CAMK2G: variants seen among roughly 807,000 people sequenced by gnomAD.
The protein encoded by CAMK2G is calcium/calmodulin-dependent protein kinase type II subunit gamma.
Under a neutral mutation model 88.7 loss-of-function variants are expected in CAMK2G, and 23 were observed. The observed-to-expected ratio is 0.26, with a 90% CI of 0.19 to 0.37. The LOEUF (loss-of-function observed/expected upper bound fraction) is 0.37, where lower values mean the gene tolerates loss of function less well. Ranked by LOEUF, CAMK2G falls within the 10% of genes least tolerant of loss-of-function variation. The pLI is 1.00. For synonymous variants in CAMK2G, 263 were observed against 294.8 expected, an observed-to-expected ratio of 0.89 and a Z score of 1.11; for missense variants, 476 against 780.8, an observed-to-expected ratio of 0.61 and a Z score of 4.65.
chr10:73,870,455 A>G (rs1450986974), intron 2 of CAMK2G, among the ~76,000 whole-genome samples: 1 of 152,234 alleles, frequency 6.6e-6, no homozygotes, highest in African/African-American at 2.4e-5. Flanking sequence ...ACAAGACACA[A>G]CAGCCCAAAA....
intron 15 of CAMK2G, among the ~76,000 whole-genome samples, chr10:73,827,551 G>A (rs763594342): frequency 2.6e-5 from 4 of 152,274 alleles, no homozygotes; most frequent in South Asian, 2.1e-4. Flanking sequence ...CCAGTGTCCC[G>A]TGAGAAAGAT....
intron 19 of CAMK2G, 168 bp from the exon 20 acceptor site, chr10:73,817,722 T>A (rs1475412685): frequency 3.2e-6 from 2 of 619,120 alleles, no homozygotes; most frequent in Non-Finnish European, 5.8e-6. Context: ...CCCTCCCGTC[T>A]CCCTCTCTGC....
rs751571445 is a variant in CAMK2G at position 73,817,127 on chromosome 10, G to GAA, written c.1440-12_1440-11dup. 4.2e-6 allele frequency: 6 copies of GAA among 1,412,714 alleles called. No individual in the cohort carries two copies. Among genetic ancestry groups the GAA allele is most frequent in the Admixed American group, 2.2e-5 (1 of 46,356 alleles). 87.5% of individuals were successfully genotyped at this position (1,412,714 alleles called of 1,614,324 possible). ...TGGATCACAAATCTTCCTACAGGGA[G>GAA]AAAAAAAAAAGCAGCCTATCAGGCT... On this transcript the variant is annotated splice_polypyrimidine_tract_variant and intron_variant, in intron 20 of 22. Transcript: ENST00000423381.
At chr10:73,864,803 C>T (rs1421893392) in intron 2 of CAMK2G, among the ~76,000 whole-genome samples, 4 of 151,996 alleles carry the variant, frequency 2.6e-5, no homozygotes, top group South Asian at 2.1e-4. Flanking sequence ...TCACCATGCC[C>T]GGCTAATTTT....
At chr10:73,866,250 G>A (rs2095587477) in intron 2 of CAMK2G, among the ~76,000 whole-genome samples, 1 of 152,206 alleles carries the variant, frequency 6.6e-6, no homozygotes, top group South Asian at 2.1e-4. Flanking sequence ...TGCACCAGGG[G>A]AGGCAGAAAA....
rs1280710340 is a variant in CAMK2G, at chr10:73,848,865, A to G, written c.517+148T>C. ...AGAAAGCAGTGCTGACAACAGCTAG[A>G]CTTACTGTACTGAGTCGCGTACGGC... On this transcript the variant is annotated intron_variant, in intron 7 of 22. Transcript: ENST00000423381. The surrounding 1 kb of genome is among the most constrained non-coding windows in gnomAD (Gnocchi z 4.5). The G allele has an allele frequency of 1.4e-5, 10 of 702,434 alleles. No homozygotes were observed. The highest frequency in any genetic ancestry group is 2.6e-5 in the Non-Finnish European group (10 of 385,168). The allele number at this position is 702,434 out of a possible 1,614,324, so 43.5% of individuals were successfully genotyped here.
Position 73,874,476 on chromosome 10 carries a change from G to T in CAMK2G, c.-15C>A. On this transcript the variant is annotated 5_prime_UTR_variant, in exon 1 of 23. Coordinates refer to ENST00000423381, the MANE Select transcript of CAMK2G (RefSeq NM_001367534.1). Reference sequence around the variant, plus strand: ...GTGGTGGCCATGCTGGCGGGCGGGCGGACGCGGCGGTGCAGCCCGCGCCGA... The same window carrying T: ...GTGGTGGCCATGCTGGCGGGCGGGCTGACGCGGCGGTGCAGCCCGCGCCGA... The T allele has an allele frequency of 6.7e-7, 1 of 1,485,680 alleles. No homozygotes were observed. Among genetic ancestry groups the T allele is most frequent in the Non-Finnish European group, 9.0e-7 (1 of 1,107,026 alleles). 92.0% of individuals were successfully genotyped at this position (1,485,680 alleles called of 1,614,324 possible).
chr10:73,816,019 T>C (rs1262353628), intron 21 of CAMK2G: 2 of 985,184 alleles, frequency 2.0e-6, no homozygotes, highest in Non-Finnish European at 2.4e-6. Context: ...AGTTTATATA[T>C]GTAGCTGAGA....
At position 73,849,365 on chromosome 10, in the gene CAMK2G, G is replaced by A. The variant is rs372541451; in HGVS notation, c.342-32C>T. On this transcript the variant is annotated intron_variant, in intron 5 of 22. Coordinates refer to ENST00000423381, the MANE Select transcript of CAMK2G (RefSeq NM_001367534.1). ...AAGCAGAAGGAAAAGAAATGTTAGCGCAGGGTTAAACCACCTCATCCACAT... is the reference window on the plus strand; with the variant it reads ...AAGCAGAAGGAAAAGAAATGTTAGCACAGGGTTAAACCACCTCATCCACAT... The A allele has an allele frequency of 2.6e-5, 40 of 1,548,266 alleles. No individual in the cohort carries two copies. The African/African-American group carries it at 3.8e-4, about 15-fold the overall frequency.
intron 2 of CAMK2G, among the ~76,000 whole-genome samples, chr10:73,868,482 C>T (rs369463466): frequency 1.3e-5 from 2 of 152,334 alleles, no homozygotes; most frequent in South Asian, 2.1e-4. Flanking sequence ...CTGCAGTCGG[C>T]TTCCATCCCT....
In CAMK2G at chr10:73,837,022, A is replaced by C. The variant is rs1233085560; in HGVS notation, c.1053+446T>G. ...TGAAAGTGTTGTAGAGAGAAGGAAA[A>C]AGACCAAAAGGAGAGTGGTTTCAGG... On this transcript the variant is annotated intron_variant, in intron 14 of 22. Transcript: ENST00000423381. The C allele has an allele frequency of 2.2e-5, 4 of 181,504 alleles. No homozygotes were observed. In the South Asian group the frequency reaches 4.5e-4, roughly 20 times the overall value. 11.2% of individuals were successfully genotyped at this position (181,504 alleles called of 1,614,324 possible). A position where few individuals can be genotyped will look rare whatever the true frequency, so the allele number is the denominator to read the frequency against.
At chr10:73,837,302 T>C in intron 14 of CAMK2G, 166 bp downstream of exon 14, 1 of 714,636 alleles carries the variant, frequency 1.4e-6, no homozygotes. Flanking sequence ...CCTACTTCCC[T>C]CTCAGGCCAG....
In CAMK2G at chr10:73,840,062, C is replaced by T. The variant is rs1277070802; in HGVS notation, c.947-461G>A. On this transcript the variant is annotated intron_variant, in intron 12 of 22. Coordinates refer to ENST00000423381, the MANE Select transcript of CAMK2G (RefSeq NM_001367534.1). ...CCCTCTCCCCTCTCTACATCCCACA[C>T]ACTAGAGGGACTGGCGTGGGGGTCC... Among the ~76,000 whole-genome samples, 6 of 152,184 alleles carry T rather than the reference C, an allele frequency of 3.9e-5. No individual in the cohort carries two copies. The East Asian group carries it at 1.2e-3, about 29-fold the overall frequency.
intron 2 of CAMK2G, among the ~76,000 whole-genome samples, chr10:73,869,050 GGT>G (rs767725411): frequency 5.9e-5 from 9 of 152,214 alleles, no homozygotes; most frequent in Non-Finnish European, 1.2e-4. Flanking sequence ...GATGGGCCAA[GGT>G]GTGTCTGTTG....
rs1043810848 is a variant in CAMK2G, at chr10:73,821,804, A to G, written c.1201-74T>C. 8.2e-5 allele frequency: 100 copies of G among 1,223,036 alleles called. 2 individuals are homozygous for G. In the Middle Eastern group the frequency reaches 9.8e-4, roughly 12 times the overall value. The allele number at this position is 1,223,036 out of a possible 1,614,324, so 75.8% of individuals were successfully genotyped here. ...CAGAGGAGCAAAGCAGAACAAAAGC[A>G]GAGTTTCTGCTCCTACAAGAGGTGC... On this transcript the variant is annotated intron_variant, in intron 17 of 22. Coordinates refer to ENST00000423381, the MANE Select transcript of CAMK2G (RefSeq NM_001367534.1).
chr10:73,866,472 A>AAAACAC (rs571770749), intron 2 of CAMK2G, among the ~76,000 whole-genome samples: 294 of 152,286 alleles, frequency 1.9e-3, no homozygotes, highest in Middle Eastern at 3.4e-3. Context: ...TCCTAAAAAA[A>AAAACAC]AAACACAAAT....
chr10:73,874,347 T>C lies in CAMK2G; in HGVS notation c.65+50A>G, dbSNP rs759672558. 18 of 1,309,146 alleles carry C rather than the reference T, an allele frequency of 1.4e-5. No individual in the cohort carries two copies. In the East Asian group the frequency reaches 4.8e-4, roughly 35 times the overall value. 81.1% of individuals were successfully genotyped at this position (1,309,146 alleles called of 1,614,324 possible). ...CCGGGGGGCGGGGCGAGAAGCCGCA[T>C]AGCTCCCGGGCGGCAGGGCAGGCAG... On this transcript the variant is annotated intron_variant, in intron 1 of 22. Transcript: ENST00000423381.
chr10:73,820,492 ATTTTTTTT>A (rs1166533591), intron 18 of CAMK2G, among the ~76,000 whole-genome samples: 38 of 51,060 alleles, frequency 7.4e-4, no homozygotes, highest in African/African-American at 2.0e-3. Context: ...ATATATATAT[ATTTTTTTT>A]TTTTTTTTTT....
chr10:73,816,455 TTAAA>T lies in CAMK2G; in HGVS notation c.1534+564_1534+567del, dbSNP rs2085527890. ...AATCCGTCTTGGAAAGAGGTGAGGC[TTAAA>T]TAATTTTTTCTTTTTTTTTGAGATG... is the stretch of plus-strand genomic sequence containing the variant. On this transcript the variant is annotated intron_variant, in intron 21 of 22. Coordinates refer to ENST00000423381, the MANE Select transcript of CAMK2G (RefSeq NM_001367534.1). 9 of 1,096,680 alleles carry T rather than the reference TTAAA, an allele frequency of 8.2e-6. No homozygotes were observed. The South Asian group carries it at 1.9e-4, about 23-fold the overall frequency. 67.9% of individuals were successfully genotyped at this position (1,096,680 alleles called of 1,614,324 possible).
Sources: gnomAD v4.1 joint callset for allele counts (sites outside exome capture counted in the v4.1 genomes callset) on GRCh38, gnomAD v4.1.1 for gene constraint, Gnocchi (gnomAD v3.1) non-coding constraint, MANE v1.5 for transcripts, NCBI Gene and HGNC (gene_info 2026-07-23, HGNC 2026-07-21) for gene names.